Variants in FBXW5 observed in about 807,000 individuals in gnomAD.
FBXW5 encodes F-box/WD repeat-containing protein 5.
FBXW5 carries 74 observed loss-of-function variants against 50.9 expected under a neutral mutation model. The observed-to-expected ratio is 1.45, with a 90% CI of 1.20 to 1.76. The LOEUF (loss-of-function observed/expected upper bound fraction) is 1.76. Ranked by LOEUF, FBXW5 falls within the 40% of genes most tolerant of loss-of-function variation. FBXW5 has a pLI of 0.00. For missense variants in FBXW5, 1,073 were observed against 818.8 expected, an observed-to-expected ratio of 1.31 and a Z score of -3.79; for synonymous variants, 523 against 362.2, an observed-to-expected ratio of 1.44 and a Z score of -5.04.
chr9:136,943,821 C>A, intron 2 of FBXW5, 70 bp downstream of exon 2: 2 of 1,491,872 alleles, frequency 1.3e-6, no homozygotes, highest in Non-Finnish European at 1.8e-6. Context: ...CCCAGCCAGG[C>A]TGACCCCCAA....
At position 136,944,002 on chromosome 9, in the gene FBXW5, C is replaced by T. The variant is rs1278983972; in HGVS notation, c.82G>A (p.Ala28Thr). ...FLSLGPADVL[A>T]AGLVCRQWQA... ...CATTGGCGGCACACCAGCCCGGCGGCCAGCACGTCGGCCGGGCCCAGGCTC... is the reference window on the plus strand; with the variant it reads ...CATTGGCGGCACACCAGCCCGGCGGTCAGCACGTCGGCCGGGCCCAGGCTC... Residue 28 changes from alanine (A) to threonine (T), a missense_variant, in exon 2 of 9, where the codon GCC (alanine) becomes ACC (threonine). By Grantham distance (58) the Ala-to-Thr change is moderately conservative (BLOSUM62 0). Coordinates refer to ENST00000325285, the MANE Select transcript of FBXW5 (RefSeq NM_018998.4). 6.3e-7 allele frequency: 1 copy of T among 1,595,432 alleles called. No individual in the cohort carries two copies. The highest frequency in any genetic ancestry group is 8.5e-7 in the Non-Finnish European group (1 of 1,172,220).
chr9:136,942,950 G>T lies in FBXW5; in HGVS notation c.352-7C>A. On this transcript the variant is annotated splice_polypyrimidine_tract_variant and splice_region_variant and intron_variant, in intron 3 of 8. Coordinates refer to ENST00000325285, the MANE Select transcript of FBXW5 (RefSeq NM_018998.4). ...TCAGGTCGTTGCTCCAGATCTGTTC[G>T]GCAGGGGCGGCTGTAGTGATCGCCT... is the stretch of plus-strand genomic sequence containing the variant. The T allele has an allele frequency of 6.2e-7, 1 of 1,612,662 alleles. No homozygotes were observed. The highest frequency in any genetic ancestry group is 1.3e-5 in the African/African-American group (1 of 74,950).
At position 136,942,531 on chromosome 9, in the gene FBXW5, C is replaced by G. The variant is rs369341577; in HGVS notation, c.675+16G>C. On this transcript the variant is annotated intron_variant, in intron 5 of 8. Transcript: ENST00000325285. ...AGGCCCCAGGAGGGCAGCCCCGCCC[C>G]TAGCCCCGCACGCACCTGGAAGGCA... 7.2e-5 allele frequency: 116 copies of G among 1,606,024 alleles called. No homozygotes were observed. The highest frequency in any genetic ancestry group is 9.5e-5 in the Non-Finnish European group (112 of 1,174,870).
In FBXW5 at chr9:136,940,616, C is replaced by T. The variant is rs528015538; in HGVS notation, c.*312G>A. The stretch of plus-strand genomic sequence containing the variant: ...CCCACAGGACCAGCCGAAGGTGCCC[C>T]GGGCCGAGGCCAGCTGGGTCAGGTG... On this transcript the variant is annotated 3_prime_UTR_variant, in exon 9 of 9. Transcript: ENST00000325285. 185 of 388,902 alleles carry T rather than the reference C, an allele frequency of 4.8e-4. 1 individual carries two copies. Among genetic ancestry groups the T allele is most frequent in the Admixed American group, 1.8e-3 (47 of 26,800 alleles). 24.1% of individuals were successfully genotyped at this position (388,902 alleles called of 1,614,324 possible). A position where few individuals can be genotyped will look rare whatever the true frequency, so the allele number is the denominator to read the frequency against.
chr9:136,942,290 G>T lies in FBXW5; in HGVS notation c.852C>A (p.Ser284Arg), dbSNP rs377316041. ...TSPCRIFDLG[S>R]DNEEVVAGPA... ...GGCCAGCCACCACCTCCTCGTTGTC[G>T]CTGCCCAGGTCAAAGATGCGGCAGG... Residue 284 changes from serine to arginine, a missense_variant, in exon 6 of 9, where the codon AGC (serine) becomes AGA (arginine). Coordinates refer to ENST00000325285, the MANE Select transcript of FBXW5 (RefSeq NM_018998.4). The T allele has an allele frequency of 3.1e-6, 5 of 1,589,710 alleles. No individual in the cohort carries two copies. In the African/African-American group the frequency reaches 6.7e-5, roughly 21 times the overall value.
In FBXW5 at chr9:136,942,269, A is replaced by G; in HGVS notation, c.873T>C (p.Ala291=). The G allele has an allele frequency of 2.5e-6, 4 of 1,583,236 alleles. No individual in the cohort carries two copies. The East Asian group carries it at 9.3e-5, about 37-fold the overall frequency. ...CCTTGGCGTGGGCGGGGGCCGGGCC[A>G]GCCACCACCTCCTCGTTGTCGCTGC... The part of the protein sequence containing the change: ...DLGSDNEEVV[A]GPAPAHAKEG... The change falls in exon 6 of 9, where the codon GCT becomes GCC. Residue 291 remains alanine, a synonymous_variant. Coordinates refer to ENST00000325285, the MANE Select transcript of FBXW5 (RefSeq NM_018998.4).
intron 2 of FBXW5, 138 bp downstream of exon 2, chr9:136,943,753 A>C (rs1850907475): frequency 9.2e-7 from 1 of 1,091,022 alleles, no homozygotes; most frequent in Non-Finnish European, 1.3e-6. Context: ...GTGTCCTGAC[A>C]GGCCTCTATC....
At chr9:136,943,219 G>A in intron 3 of FBXW5, 130 bp downstream of exon 3, 2 of 1,268,560 alleles carry the variant, frequency 1.6e-6, no homozygotes, top group Non-Finnish European at 2.2e-6. Context: ...CTGGATGCAG[G>A]GAGGCTGCTG....
Position 136,940,752 on chromosome 9 carries a change from G to T in FBXW5, c.*176C>A. 1 of 1,091,498 alleles carries T rather than the reference G, an allele frequency of 9.2e-7. No individual in the cohort carries two copies. Among genetic ancestry groups the T allele is most frequent in the Non-Finnish European group, 1.3e-6 (1 of 784,262 alleles). 67.6% of individuals were successfully genotyped at this position (1,091,498 alleles called of 1,614,324 possible). A position where few individuals can be genotyped will look rare whatever the true frequency, so the allele number is the denominator to read the frequency against. ...GCTCCATCTGCACTGGCCACCCCGTGCCAAGCATCACAGCTGCGTGAGCAG... is the reference window on the plus strand; with the variant it reads ...GCTCCATCTGCACTGGCCACCCCGTTCCAAGCATCACAGCTGCGTGAGCAG... On this transcript the variant is annotated 3_prime_UTR_variant, in exon 9 of 9. Transcript: ENST00000325285.
At chr9:136,943,601 G>C in intron 2 of FBXW5, 95 bp from the exon 3 acceptor site, 1 of 1,471,702 alleles carries the variant, frequency 6.8e-7, no homozygotes, top group East Asian at 2.5e-5. Context: ...CAGGCCCCGT[G>C]GTGCCCCTGG....
chr9:136,942,197 C>T lies in FBXW5; in HGVS notation c.945G>A (p.Gln315=). ...FLDRVLEGRA[Q]PQLSERMLET... ...CTAGCATGCGCTCCGACAGCTGTGGCTGCGCCCGCCCCTCCAGCACGCGGT... is the reference window on the plus strand; with the variant it reads ...CTAGCATGCGCTCCGACAGCTGTGGTTGCGCCCGCCCCTCCAGCACGCGGT... The change falls in exon 6 of 9, where the codon CAG becomes CAA. Residue 315 remains glutamine (Q), a synonymous_variant. Transcript: ENST00000325285. 3 of 1,578,016 alleles carry T rather than the reference C, an allele frequency of 1.9e-6. No individual in the cohort carries two copies. The highest frequency in any genetic ancestry group is 2.6e-6 in the Non-Finnish European group (3 of 1,164,098).
In FBXW5 at chr9:136,944,725, C is replaced by A. The variant is rs912090229; in HGVS notation, c.-155G>T. On this transcript the variant is annotated 5_prime_UTR_variant, in exon 1 of 9. It removes an upstream start codon present in the reference 5' UTR. Coordinates refer to ENST00000325285, the MANE Select transcript of FBXW5 (RefSeq NM_018998.4). ...AGGCCCGACGCCACGAGCCCCGAGG[C>A]ATCGATGGCCGAGGAAGGCAGAGCG... The A allele has an allele frequency of 1.5e-4, 147 of 985,608 alleles. 1 individual carries two copies. In the African/African-American group the frequency reaches 2.3e-3, roughly 15 times the overall value. The allele number at this position is 985,608 out of a possible 1,614,324, so 61.1% of individuals were successfully genotyped here.
At chr9:136,944,514 G>A in intron 1 of FBXW5, 80 bp downstream of exon 1, 1 of 984,446 alleles carries the variant, frequency 1.0e-6, no homozygotes, top group South Asian at 4.7e-5. Flanking sequence ...GAGCGCACGG[G>A]CGGCCTCGGG....
Position 136,943,900 on chromosome 9 carries a change from G to C in FBXW5, c.184C>G (p.Arg62Gly). ...CCCACACGCCACTGACCTGGGTGTCGGGGCACGTCGCGGGCCACCTGGTAG... is the reference window on the plus strand; with the variant it reads ...CCCACACGCCACTGACCTGGGTGTCCGGGCACGTCGCGGGCCACCTGGTAG... ...RYYQVARDVP[R>G]HPAAMSWYEE... is the part of the protein sequence containing the mutation. Residue 62 changes from arginine (R) to glycine (G), a missense_variant, in exon 2 of 9, where the codon CGA (arginine) becomes GGA (glycine). Coordinates refer to ENST00000325285, the MANE Select transcript of FBXW5 (RefSeq NM_018998.4). 1 of 1,549,972 alleles carries C rather than the reference G, an allele frequency of 6.5e-7. No homozygotes were observed. The highest frequency in any genetic ancestry group is 8.7e-7 in the Non-Finnish European group (1 of 1,146,854).
rs764995479 is a variant in FBXW5, at chr9:136,942,831, G to A, written c.464C>T (p.Ala155Val). ...QFNKDDSLLL[A>V]SGVFLGPHNS... ...GTGCGGCCCCAGGAACACCCCCGAG[G>A]CCAGCAGTAGCGAGTCGTCCTTGTT... Residue 155 changes from alanine (A) to valine (V), a missense_variant, in exon 4 of 9, where the codon GCC becomes GTC. By Grantham distance (64) the Ala-to-Val change is moderately conservative. Transcript: ENST00000325285. 1 of 1,613,384 alleles carries A rather than the reference G, an allele frequency of 6.2e-7. No homozygotes were observed. The highest frequency in any genetic ancestry group is 2.2e-5 in the East Asian group (1 of 44,876).
chr9:136,942,036 A>AGG lies in FBXW5; in HGVS notation c.1096+8_1096+9dup, dbSNP rs1850790736. 7.5e-6 allele frequency: 12 copies of AGG among 1,593,294 alleles called. No individual in the cohort carries two copies. Among genetic ancestry groups the AGG allele is most frequent in the Non-Finnish European group, 9.4e-6 (11 of 1,164,818 alleles). ...GGACCGAGGCGGGCAGCATGGCGGCAGGGGTGTACCGATCTGGTGTGGGGA... is the reference window on the plus strand; with the variant it reads ...GGACCGAGGCGGGCAGCATGGCGGCAGGGGGGTGTACCGATCTGGTGTGGGGA... On this transcript the variant is annotated intron_variant, in intron 6 of 8. Coordinates refer to ENST00000325285, the MANE Select transcript of FBXW5 (RefSeq NM_018998.4).
intron 6 of FBXW5, 26 bp downstream of exon 6, chr9:136,942,020 C>T (rs367741520): frequency 1.5e-5 from 23 of 1,580,274 alleles, no homozygotes; most frequent in African/African-American, 6.7e-5. Flanking sequence ...AGGACCGAGG[C>T]GGGCAGCATG....
In FBXW5 at chr9:136,941,549, G is replaced by T. The variant is rs773478949; in HGVS notation, c.1232C>A (p.Ser411Ter). 7 of 1,610,732 alleles carry T rather than the reference G, an allele frequency of 4.3e-6. No individual in the cohort carries two copies. The highest frequency in any genetic ancestry group is 2.2e-5 in the East Asian group (1 of 44,870). ...IHGHIIGMGL[S>*]PDNRYLYVNS... ...GCAAGAGGCCCACCTGTTGTCGGGC[G>T]ACAGGCCCATGCCGATGATGTGTCC... Residue 411 changes from serine to a stop codon, truncating the protein, a stop_gained, in exon 7 of 9, where the codon TCG (serine) becomes TAG (stop). Transcript: ENST00000325285. LOFTEE classifies it high-confidence loss of function.
In FBXW5 at chr9:136,943,873, G is replaced by T. The variant is rs1288837818; in HGVS notation, c.193+18C>A. 5 of 1,548,078 alleles carry T rather than the reference G, an allele frequency of 3.2e-6. No individual in the cohort carries two copies. In the South Asian group the frequency reaches 3.6e-5, roughly 11 times the overall value. ...CCCTGGCTGCAGAACGTGGGTAGGG[G>T]CCCCACACGCCACTGACCTGGGTGT... On this transcript the variant is annotated intron_variant, in intron 2 of 8. Coordinates refer to ENST00000325285, the MANE Select transcript of FBXW5 (RefSeq NM_018998.4).
Sources: allele counts gnomAD v4.1 joint callset, GRCh38; gene constraint gnomAD v4.1.1; transcripts MANE v1.5; gene names NCBI Gene and HGNC (gene_info 2026-07-23, HGNC 2026-07-21).